The following GPATCH2 variants were observed in gnomAD, a reference collection of about 807,000 sequenced individuals.
GPATCH2 encodes G-patch domain containing 2.
Under a neutral mutation model 58.0 loss-of-function variants are expected in GPATCH2, and 51 were observed. The ratio of observed to expected loss-of-function variants is 0.88; its 90% CI spans 0.70 to 1.11. The LOEUF is 1.11. Among genes scored for constraint, GPATCH2 ranks in the 50% most tolerant of loss-of-function variants. GPATCH2 has a pLI of 0.00. For synonymous variants in GPATCH2, 222 were observed against 218.5 expected (o/e 1.02, Z -0.14); for missense variants, 625 against 652.2 (o/e 0.96, Z 0.45).
At chr1:217,448,153 T>A (rs1182183182) in intron 9 of GPATCH2, among the ~76,000 whole-genome samples, 1 of 151,892 alleles carries the variant, frequency 6.6e-6, no homozygotes, top group Admixed American at 6.6e-5. Context: ...TTTTTCCTCT[T>A]AAACTCACCA....
chr1:217,608,200 A>G lies in GPATCH2; in HGVS notation c.1098+2121T>C, dbSNP rs933314968. ...TTGGAACTCTTACCTTTCTTGCCCA[A>G]GTCAGAGATTTTATTGAAAAAAAAA... On this transcript the variant is annotated intron_variant, in intron 5 of 9. Coordinates refer to ENST00000366935, the MANE Select transcript of GPATCH2 (RefSeq NM_018040.5). 5.9e-6 allele frequency: 5 copies of G among 850,544 alleles called. No homozygotes were observed. In the Admixed American group the frequency reaches 1.9e-4, roughly 32 times the overall value. 52.7% of individuals were successfully genotyped at this position (850,544 alleles called of 1,614,324 possible). A position where few individuals can be genotyped will look rare whatever the true frequency, so the allele number is the denominator to read the frequency against.
At chr1:217,555,614 CATGACA>C (rs1271043983) in intron 5 of GPATCH2, among the ~76,000 whole-genome samples, 3 of 152,228 alleles carry the variant, frequency 2.0e-5, no homozygotes, top group Non-Finnish European at 4.4e-5. Context: ...TCTCAAAAAA[CATGACA>C]ATGACATAAC....
chr1:217,439,789 C>A (rs1571701768), intron 9 of GPATCH2, among the ~76,000 whole-genome samples: 1 of 152,158 alleles, frequency 6.6e-6, no homozygotes, highest in African/African-American at 2.4e-5. Context: ...TTCCTGGACA[C>A]ATACACCCTC....
chr1:217,501,706 C>G (rs533539866), intron 6 of GPATCH2, among the ~76,000 whole-genome samples: 27 of 152,170 alleles, frequency 1.8e-4, no homozygotes, highest in African/African-American at 6.5e-4. Context: ...CACTAAACAT[C>G]TTTTTGTGTG....
intron 5 of GPATCH2, among the ~76,000 whole-genome samples, chr1:217,533,219 T>C (rs944611204): frequency 2.6e-5 from 4 of 152,112 alleles, no homozygotes; most frequent in Admixed American, 1.3e-4. Flanking sequence ...TGCTCTTTTC[T>C]TTATAACAGC....
rs544747766 is a variant in GPATCH2, at chr1:217,435,150, A to G, written c.1367-3785T>C. ...CCTCAGCGCAGTATACACCACAACC[A>G]TAATTTCCCTTTCTTTGGCTCCTGG... On this transcript the variant is annotated intron_variant, in intron 9 of 9. Coordinates refer to ENST00000366935, the MANE Select transcript of GPATCH2 (RefSeq NM_018040.5). Among the ~76,000 whole-genome samples, 6 of 152,340 alleles carry G rather than the reference A, an allele frequency of 3.9e-5. No homozygotes were observed. In the South Asian group the frequency reaches 8.3e-4, roughly 21 times the overall value.
chr1:217,588,673 C>G (rs913380201), intron 5 of GPATCH2, among the ~76,000 whole-genome samples: 1 of 152,094 alleles, frequency 6.6e-6, no homozygotes, highest in Non-Finnish European at 1.5e-5. Flanking sequence ...GTTCTTGATT[C>G]CTTACTCAGT....
rs10524566 is a variant in GPATCH2, at chr1:217,468,515, C to CCA, written c.1278-19180_1278-19179dup. Among the ~76,000 whole-genome samples, 954 of 142,666 alleles carry CCA rather than the reference C, an allele frequency of 6.7e-3. 15 individuals are homozygous for CCA. Among genetic ancestry groups the CCA allele is most frequent in the African/African-American group, 0.02 (757 of 37,592 alleles). The allele number at this position is 142,666 out of a possible 152,430, so 93.6% of individuals were successfully genotyped here. A position where few individuals can be genotyped will look rare whatever the true frequency, so the allele number is the denominator to read the frequency against. On this transcript the variant is annotated intron_variant, in intron 8 of 9. Transcript: ENST00000366935. The stretch of plus-strand genomic sequence containing the variant: ...AAAATGTCAAGGAATGCACACACAA[C>CCA]CACACACACACACACACACACACAC...
chr1:217,585,224 G>A (rs1384132907), intron 5 of GPATCH2, among the ~76,000 whole-genome samples: 2 of 151,714 alleles, frequency 1.3e-5, no homozygotes, highest in Non-Finnish European at 2.9e-5. Context: ...TCATGTTAAT[G>A]TTTGCAGTTA....
chr1:217,456,386 C>T (rs553933100), intron 8 of GPATCH2, among the ~76,000 whole-genome samples: 2 of 152,300 alleles, frequency 1.3e-5, no homozygotes, highest in African/African-American at 2.4e-5. Flanking sequence ...ACAAGCCACA[C>T]CCCTGTCACA....
intron 5 of GPATCH2, among the ~76,000 whole-genome samples, chr1:217,515,331 C>T (rs1663078277): frequency 6.6e-6 from 1 of 151,998 alleles, no homozygotes; most frequent in South Asian, 2.1e-4. Flanking sequence ...CTCCTGCCCT[C>T]GTGATCTGCC....
chr1:217,498,570 TA>T, intron 6 of GPATCH2, 175 bp from the exon 7 acceptor site: 1 of 628,942 alleles, frequency 1.6e-6, no homozygotes, highest in Non-Finnish European at 2.8e-6. Context: ...GACAGAACTG[TA>T]AAAGTGCTCA....
At chr1:217,618,535 C>T (rs1014207930) in intron 2 of GPATCH2, among the ~76,000 whole-genome samples, 11 of 151,992 alleles carry the variant, frequency 7.2e-5, no homozygotes, top group African/African-American at 2.7e-4. Flanking sequence ...GTAATTTTTA[C>T]TTCTTTAGAA....
At chr1:217,494,362 T>G (rs1242335996) in intron 7 of GPATCH2, among the ~76,000 whole-genome samples, 1 of 152,182 alleles carries the variant, frequency 6.6e-6, no homozygotes, top group African/African-American at 2.4e-5. Flanking sequence ...GAATCACAAG[T>G]TAATATGTGA....
At chr1:217,471,916 T>G (rs1369128605) in intron 8 of GPATCH2, among the ~76,000 whole-genome samples, 1 of 152,204 alleles carries the variant, frequency 6.6e-6, no homozygotes, top group Non-Finnish European at 1.5e-5. Context: ...ATTAAAGATG[T>G]TTCTAAAAGA....
intron 8 of GPATCH2, among the ~76,000 whole-genome samples, chr1:217,454,528 G>A (rs1361303408): frequency 7.3e-6 from 1 of 137,922 alleles, no homozygotes; most frequent in African/African-American, 2.6e-5. Context: ...GGCAGAGCTT[G>A]CAGTGAGTCG....
intron 6 of GPATCH2, among the ~76,000 whole-genome samples, chr1:217,499,180 C>A (rs1215988302): frequency 6.6e-6 from 1 of 152,098 alleles, no homozygotes; most frequent in Non-Finnish European, 1.5e-5. Flanking sequence ...TATGGCAAAT[C>A]AATCACTAAA....
chr1:217,524,484 C>T (rs556247004), intron 5 of GPATCH2, among the ~76,000 whole-genome samples: 1 of 151,624 alleles, frequency 6.6e-6, no homozygotes, highest in African/African-American at 2.4e-5. Flanking sequence ...GCTGCAATCT[C>T]GGCTCTTTAG....
chr1:217,604,826 G>A (rs983029976), intron 5 of GPATCH2, among the ~76,000 whole-genome samples: 1 of 152,100 alleles, frequency 6.6e-6, no homozygotes, highest in Non-Finnish European at 1.5e-5. Context: ...AGGAGTTCGA[G>A]ACCAGCCTAG....
Sources: gnomAD v4.1 joint callset for allele counts (sites outside exome capture counted in the v4.1 genomes callset) on GRCh38, gnomAD v4.1.1 for gene constraint, MANE v1.5 for transcripts, NCBI Gene and HGNC (gene_info 2026-07-23, HGNC 2026-07-21) for gene names.